RBM27: variants seen among roughly 807,000 people sequenced by gnomAD.
RBM27 encodes the protein RNA binding motif protein 27.
RBM27 carries 22 observed loss-of-function variants against 135.3 expected under a neutral mutation model. The ratio of observed to expected loss-of-function variants is 0.16; its 90% confidence interval spans 0.12 to 0.23. The LOEUF (loss-of-function observed/expected upper bound fraction) is 0.23. Among genes scored for constraint, RBM27 ranks in the 10% least tolerant of loss-of-function variants. The probability of loss-of-function intolerance (pLI) is 1.00; values close to 1 mark genes in which losing one functional copy is unlikely to be tolerated. For missense variants in RBM27, 1,009 were observed against 1,281.0 expected (o/e 0.79, Z 3.24); for synonymous variants, 481 against 442.4 (o/e 1.09, Z -1.10).
chr5:146,222,954 C>T (rs539571984), intron 2 of RBM27, among the ~76,000 whole-genome samples: 21 of 152,008 alleles, frequency 1.4e-4, no homozygotes, highest in Non-Finnish European at 2.8e-4. Flanking sequence ...TTATATCCAC[C>T]GCGTTCCCAC....
At chr5:146,265,228 T>C (rs1321299250) in intron 14 of RBM27, among the ~76,000 whole-genome samples, 1 of 152,066 alleles carries the variant, frequency 6.6e-6, no homozygotes, top group Non-Finnish European at 1.5e-5. Context: ...TTACTGCAAA[T>C]GTAGTATATC....
chr5:146,285,821 C>A, intron 20 of RBM27, 126 bp from the exon 21 acceptor site: 1 of 598,594 alleles, frequency 1.7e-6, no homozygotes, highest in South Asian at 2.1e-5. Flanking sequence ...GAAAGATACT[C>A]TTGCATGCAT....
intron 8 of RBM27, 94 bp downstream of exon 8, chr5:146,237,526 T>G: frequency 7.4e-7 from 1 of 1,356,098 alleles, no homozygotes; most frequent in African/African-American, 1.5e-5. Flanking sequence ...GTAAATAGTT[T>G]CTGTTCTTAT....
intron 17 of RBM27, among the ~76,000 whole-genome samples, 160 bp downstream of exon 17, chr5:146,269,744 T>G (rs1758781767): frequency 7.2e-6 from 1 of 138,646 alleles, no homozygotes; most frequent in South Asian, 2.3e-4. Flanking sequence ...TATAGTACCT[T>G]TTTTTTTTTT....
chr5:146,259,491 C>CAA (rs1222681656), intron 11 of RBM27, among the ~76,000 whole-genome samples: 1,381 of 30,992 alleles, frequency 0.045, 8 homozygotes, highest in Non-Finnish European at 0.06. Context: ...GCAAAAAGAA[C>CAA]AAAACTCTGT....
intron 2 of RBM27, among the ~76,000 whole-genome samples, chr5:146,223,049 T>C (rs754691276): frequency 6.6e-6 from 1 of 152,200 alleles, no homozygotes; most frequent in Non-Finnish European, 1.5e-5. Context: ...CATACTGTTA[T>C]ATCTTTGAGA....
intron 19 of RBM27, among the ~76,000 whole-genome samples, chr5:146,275,206 T>A (rs964962576): frequency 5.9e-5 from 9 of 151,364 alleles, no homozygotes; most frequent in Non-Finnish European, 1.2e-4. Context: ...ATAAATATAA[T>A]TTTATATATT....
Position 146,289,132 on chromosome 5 carries a change from GAAAAAAA to G in RBM27, c.*3106_*3112del, listed in dbSNP as rs369924024. On this transcript the variant is annotated 3_prime_UTR_variant, in exon 21 of 21. Coordinates refer to ENST00000265271, the MANE Select transcript of RBM27 (RefSeq NM_018989.2). Reference sequence around the variant, plus strand: ...TGCAATATGGAATGGTTCACAATTGGAAAAAAAAAAGAAAAAAGATGAAAGTATTACA... The same window carrying G: ...TGCAATATGGAATGGTTCACAATTGGAAAGAAAAAAGATGAAAGTATTACA... 2.7e-5 allele frequency: 4 copies of G among 145,594 alleles called. No individual in the cohort carries two copies. Among genetic ancestry groups the G allele is most frequent in the African/African-American group, 5.1e-5 (2 of 39,506 alleles). 9.0% of individuals were successfully genotyped at this position (145,594 alleles called of 1,614,324 possible).
At chr5:146,211,769 G>A (rs1012396585) in intron 1 of RBM27, among the ~76,000 whole-genome samples, 3 of 151,912 alleles carry the variant, frequency 2.0e-5, no homozygotes, top group Non-Finnish European at 4.4e-5. Context: ...GCCCAGTATG[G>A]TCTTACCAAA....
rs139391673 is a variant in RBM27 at position 146,287,716 on chromosome 5, G to C, written c.*1686G>C. The stretch of plus-strand genomic sequence containing the variant: ...TTCCTGGAATGATGTGTCAAACCAG[G>C]GTCATTTTTAAGTTCATATAATTTT... On this transcript the variant is annotated 3_prime_UTR_variant, in exon 21 of 21. Transcript: ENST00000265271. 2.8e-4 allele frequency: 43 copies of C among 152,056 alleles called. No individual in the cohort carries two copies. Among genetic ancestry groups the C allele is most frequent in the African/African-American group, 1.0e-3 (42 of 41,498 alleles). The allele number at this position is 152,056 out of a possible 1,614,324, so 9.4% of individuals were successfully genotyped here.
At chr5:146,266,157 A>G (rs1030056320) in intron 14 of RBM27, among the ~76,000 whole-genome samples, 27 of 152,298 alleles carry the variant, frequency 1.8e-4, no homozygotes, top group African/African-American at 6.5e-4. Flanking sequence ...AGATTACTAG[A>G]GTCCTGTCAA....
intron 19 of RBM27, among the ~76,000 whole-genome samples, chr5:146,273,714 A>G (rs952894200): frequency 2.0e-5 from 3 of 152,198 alleles, no homozygotes; most frequent in South Asian, 2.1e-4. Flanking sequence ...CCAAGGTAAA[A>G]TCTATATTTT....
intron 1 of RBM27, among the ~76,000 whole-genome samples, chr5:146,204,088 C>T (rs1413221946): frequency 6.6e-6 from 1 of 151,924 alleles, no homozygotes; most frequent in Non-Finnish European, 1.5e-5. Context: ...TATCGGGGTG[C>T]TGGAAGGGGT....
At chr5:146,220,543 A>G (rs1183049513) in intron 2 of RBM27, among the ~76,000 whole-genome samples, 1 of 151,010 alleles carries the variant, frequency 6.6e-6, no homozygotes, top group Non-Finnish European at 1.5e-5. Flanking sequence ...TAGGAATGTG[A>G]ATAATACACA....
chr5:146,251,522 A>G (rs545100440), intron 8 of RBM27, among the ~76,000 whole-genome samples, 189 bp from the exon 9 acceptor site: 7 of 152,294 alleles, frequency 4.6e-5, no homozygotes, highest in South Asian at 2.1e-4. Context: ...TTATACCTCA[A>G]TGGATCCTAA....
intron 1 of RBM27, among the ~76,000 whole-genome samples, chr5:146,207,179 G>A (rs891520355): frequency 6.6e-6 from 1 of 152,076 alleles, no homozygotes; most frequent in African/African-American, 2.4e-5. Flanking sequence ...TAGTTGCACC[G>A]GCTAGGTTGG....
intron 11 of RBM27, 85 bp from the exon 12 acceptor site, chr5:146,260,660 T>G: frequency 2.3e-5 from 29 of 1,250,000 alleles, no homozygotes; most frequent in Non-Finnish European, 3.1e-5. Context: ...TTAAAAAAAT[T>G]ATAAACCTAA....
intron 19 of RBM27, among the ~76,000 whole-genome samples, chr5:146,274,088 G>A (rs1758984509): frequency 6.6e-6 from 1 of 152,058 alleles, no homozygotes; most frequent in East Asian, 1.9e-4. Context: ...GGGTTCAAGC[G>A]ATTATCCTGC....
At chr5:146,210,464 G>T (rs754815377) in intron 1 of RBM27, among the ~76,000 whole-genome samples, 2 of 151,990 alleles carry the variant, frequency 1.3e-5, no homozygotes, top group Non-Finnish European at 2.9e-5. Context: ...AAAGTACTAT[G>T]GTCTGAATGT....
Sources: gnomAD v4.1 joint callset for allele counts (sites outside exome capture counted in the v4.1 genomes callset) on GRCh38, gnomAD v4.1.1 for gene constraint, MANE v1.5 for transcripts, NCBI Gene and HGNC (gene_info 2026-07-23, HGNC 2026-07-21) for gene names.